Variants in DIS3L observed in about 807,000 individuals in gnomAD.
DIS3L encodes DIS3 like exosome 3'-5' exoribonuclease.
Under a neutral mutation model 120.3 loss-of-function variants are expected in DIS3L, and 100 were observed. The ratio of observed to expected loss-of-function variants is 0.83; its 90% confidence interval spans 0.71 to 0.98. The LOEUF (loss-of-function observed/expected upper bound fraction) is 0.98, where lower values mean the gene tolerates loss of function less well. Ranked by LOEUF, DIS3L falls within the 50% of genes least tolerant of loss-of-function variation. The pLI is 0.00. For missense variants in DIS3L, 1,196 were observed against 1,314.2 expected, an observed-to-expected ratio of 0.91 and a Z score of 1.39; for synonymous variants, 426 against 470.6, an observed-to-expected ratio of 0.91 and a Z score of 1.23.
At position 66,326,062 on chromosome 15, in the gene DIS3L, C is replaced by T. The variant is rs144169275; in HGVS notation, c.1899C>T (p.Thr633=). 435 of 1,613,952 alleles carry T rather than the reference C, an allele frequency of 2.7e-4. 2 individuals carry two copies. In the African/African-American group the frequency reaches 4.6e-3, roughly 17 times the overall value. Residue 633 remains threonine (T), a synonymous_variant, in exon 12 of 17, where the codon ACC becomes ACT. Transcript: ENST00000319212. ...TGGTGTGGGCAATTGGAAAGCTGAC[C>T]GACATAGCTCGCCATGTCAGAGCTA... ...EELVWAIGKL[T]DIARHVRAKR...
At chr15:66,294,959 A>G in intron 1 of DIS3L, 29 bp from the exon 2 acceptor site, 3 of 1,573,206 alleles carry the variant, frequency 1.9e-6, no homozygotes, top group Non-Finnish European at 1.7e-6. Context: ...AACATTGTCT[A>G]ATCTCTTACA....
chr15:66,314,617 C>T (rs144197861), intron 6 of DIS3L, among the ~76,000 whole-genome samples: 177 of 152,296 alleles, frequency 1.2e-3, no homozygotes, highest in African/African-American at 4.0e-3. Context: ...TGGCTTTCTT[C>T]GGGCCCTTGC....
chr15:66,329,969 C>T, intron 14 of DIS3L: 1 of 984,734 alleles, frequency 1.0e-6, no homozygotes, highest in Non-Finnish European at 1.2e-6. Context: ...CCACCCAGAG[C>T]TAACAATTAA....
At chr15:66,302,624 C>T (rs761235788) in intron 2 of DIS3L, among the ~76,000 whole-genome samples, 9 of 152,112 alleles carry the variant, frequency 5.9e-5, no homozygotes, top group Admixed American at 3.9e-4. Flanking sequence ...TCGCACATTC[C>T]GCCCTGCTCT....
chr15:66,311,761 C>A lies in DIS3L; in HGVS notation c.596C>A (p.Ala199Asp), dbSNP rs1481285565. The A allele has an allele frequency of 6.2e-7, 1 of 1,613,980 alleles. No homozygotes were observed. The highest frequency in any genetic ancestry group is 8.5e-7 in the Non-Finnish European group (1 of 1,180,004). Residue 199 changes from alanine to aspartate, a missense_variant, in exon 5 of 17, where the codon GCC becomes GAC. By Grantham distance (126) the Ala-to-Asp change is moderately radical. Transcript: ENST00000319212. ...LDNFWPDLKAAHELCDSILQS... is the reference protein window; with the variant it reads ...LDNFWPDLKADHELCDSILQS... ...AATTTCTGGCCTGATTTAAAAGCTGCCCACGAGCTTTGTGATTCTATCCTT... is the reference window on the plus strand; with the variant it reads ...AATTTCTGGCCTGATTTAAAAGCTGACCACGAGCTTTGTGATTCTATCCTT...
At chr15:66,314,184 G>A (rs1037071285) in intron 6 of DIS3L, 67 bp downstream of exon 6, 10 of 1,288,610 alleles carry the variant, frequency 7.8e-6, no homozygotes, top group Middle Eastern at 2.7e-4. Flanking sequence ...AATGAAGAAA[G>A]CAAAGTTGAA....
intron 8 of DIS3L, among the ~76,000 whole-genome samples, chr15:66,319,692 A>C (rs1375722313): frequency 6.6e-6 from 1 of 152,194 alleles, no homozygotes. Context: ...TACATCTTGA[A>C]GCCTTATGCA....
chr15:66,293,501 C>A, upstream of DIS3L: 1 of 1,248,552 alleles, frequency 8.0e-7, no homozygotes, highest in Non-Finnish European at 1.0e-6. Context: ...ACGGCGGTTC[C>A]GGAGCCGCGG....
chr15:66,309,531 C>T (rs1401039279), intron 4 of DIS3L, among the ~76,000 whole-genome samples: 1 of 152,150 alleles, frequency 6.6e-6, no homozygotes, highest in Admixed American at 6.5e-5. Context: ...ATGCCAGCCA[C>T]TTTTCTGTGT....
At chr15:66,298,546 A>G (rs879456031) in intron 2 of DIS3L, among the ~76,000 whole-genome samples, 3 of 152,254 alleles carry the variant, frequency 2.0e-5, no homozygotes, top group Admixed American at 6.5e-5. Flanking sequence ...AGGTTTAACA[A>G]TGGAAAGACA....
At chr15:66,329,478 G>C in intron 14 of DIS3L, 79 bp downstream of exon 14, 1 of 1,451,012 alleles carries the variant, frequency 6.9e-7, no homozygotes, top group South Asian at 1.5e-5. Flanking sequence ...GTACCGTGAA[G>C]TATCATATAT....
chr15:66,332,738 T>A lies in DIS3L; in HGVS notation c.2684T>A (p.Phe895Tyr). 1 of 1,610,634 alleles carries A rather than the reference T, an allele frequency of 6.2e-7. No homozygotes were observed. The change falls in exon 16 of 17, where the codon TTT (phenylalanine) becomes TAT (tyrosine). Residue 895 changes from phenylalanine (F) to tyrosine (Y), a missense_variant and splice_region_variant. Transcript: ENST00000319212. ...TTTATATTCTGGTCATAATATAGGTTTGGGATTAAAGGTGCTGCTTATCTA... is the reference window on the plus strand; with the variant it reads ...TTTATATTCTGGTCATAATATAGGTATGGGATTAAAGGTGCTGCTTATCTA... ...TNGVLLFIPR[F>Y]GIKGAAYLKN...
At chr15:66,325,729 C>T in intron 11 of DIS3L, 102 bp from the exon 12 acceptor site, 1 of 1,373,630 alleles carries the variant, frequency 7.3e-7, no homozygotes, top group Non-Finnish European at 9.9e-7. Context: ...CCATTGCACT[C>T]CAGCCTGGGT....
Position 66,322,911 on chromosome 15 carries a change from C to A in DIS3L, c.1551C>A (p.Tyr517Ter), listed in dbSNP as rs778337930. The change falls in exon 10 of 17, where the codon TAC (tyrosine) becomes TAA (stop). Residue 517 changes from tyrosine (Y) to a stop codon, truncating the protein, a stop_gained. Transcript: ENST00000319212. LOFTEE classifies it high-confidence loss of function. ...DVTHFVAPNS[Y>*]IDIEARTRAT... is the part of the protein sequence containing the mutation. ...CACACTTTGTGGCACCAAATTCTTA[C>A]ATTGATATTGAAGCTAGAACAAGGT... The A allele has an allele frequency of 6.2e-7, 1 of 1,614,134 alleles. No individual in the cohort carries two copies. Among genetic ancestry groups the A allele is most frequent in the Non-Finnish European group, 8.5e-7 (1 of 1,180,020 alleles).
intron 9 of DIS3L, among the ~76,000 whole-genome samples, chr15:66,322,003 G>A (rs1202866043): frequency 1.3e-5 from 2 of 152,098 alleles, no homozygotes; most frequent in African/African-American, 4.8e-5. Context: ...TCACAGAACG[G>A]GAGCTATCAT....
intron 2 of DIS3L, among the ~76,000 whole-genome samples, chr15:66,300,825 G>A (rs1349906498): frequency 2.0e-5 from 3 of 152,230 alleles, no homozygotes; most frequent in African/African-American, 7.2e-5. Context: ...CCGCACTGAC[G>A]CCAAATGGCA....
At chr15:66,316,236 C>T (rs139932105) in intron 7 of DIS3L, among the ~76,000 whole-genome samples, 41 of 152,292 alleles carry the variant, frequency 2.7e-4, no homozygotes, top group African/African-American at 8.4e-4. Flanking sequence ...CTCTTCCCCA[C>T]GTGTTCCCCA....
At chr15:66,328,867 G>T (rs2092965719) in intron 12 of DIS3L, 103 bp from the exon 13 acceptor site, 4 of 1,383,814 alleles carry the variant, frequency 2.9e-6, no homozygotes, top group Non-Finnish European at 3.9e-6. Context: ...AAATTTACTG[G>T]CAGATGAAGG....
intron 2 of DIS3L, among the ~76,000 whole-genome samples, chr15:66,296,316 G>A (rs904816856): frequency 1.3e-5 from 2 of 152,014 alleles, no homozygotes; most frequent in African/African-American, 2.4e-5. Context: ...TTTTTCTCCT[G>A]AACATTTCAA....
Sources: allele counts gnomAD v4.1 joint callset (sites outside exome capture counted in the v4.1 genomes callset), GRCh38; gene constraint gnomAD v4.1.1; transcripts MANE v1.5; gene names NCBI Gene and HGNC (gene_info 2026-07-23, HGNC 2026-07-21).